The following PAK5 variants were observed in gnomAD, a reference collection of about 807,000 sequenced individuals.
PAK5 encodes the protein p21 (RAC1) activated kinase 5, also known as serine/threonine-protein kinase PAK 5.
Under a neutral mutation model 65.9 loss-of-function variants are expected in PAK5, and 16 were observed. That is an observed-to-expected ratio of 0.24 (90% CI 0.16 to 0.37). The LOEUF (loss-of-function observed/expected upper bound fraction) is 0.37, where lower values mean the gene tolerates loss of function less well. PAK5 is among the 10% of genes least tolerant of loss of function. PAK5 has a pLI of 1.00. For synonymous variants in PAK5, 371 were observed against 354.9 expected (o/e 1.05, Z -0.51); for missense variants, 785 against 903.9 (o/e 0.87, Z 1.69).
intron 1 of PAK5, among the ~76,000 whole-genome samples, chr20:9,763,032 A>G (rs2048717543): frequency 6.6e-6 from 1 of 152,172 alleles, no homozygotes; most frequent in Non-Finnish European, 1.5e-5. Context: ...CAAATACTGT[A>G]TGATCTCACC....
At chr20:9,610,637 A>G (rs1235517297) in intron 3 of PAK5, among the ~76,000 whole-genome samples, 1 of 152,246 alleles carries the variant, frequency 6.6e-6, no homozygotes, top group Admixed American at 6.5e-5. Context: ...TCTTTGTAGC[A>G]GACTCTGTTG....
intron 2 of PAK5, among the ~76,000 whole-genome samples, chr20:9,684,759 G>A (rs2047695820): frequency 6.6e-6 from 1 of 152,118 alleles, no homozygotes; most frequent in Non-Finnish European, 1.5e-5. Context: ...CCTCTTAATA[G>A]CTTTTCCTCC....
chr20:9,586,577 G>T (rs1320194237), intron 3 of PAK5, among the ~76,000 whole-genome samples: 1 of 152,004 alleles, frequency 6.6e-6, no homozygotes, highest in South Asian at 2.1e-4. Context: ...CATAATGAAG[G>T]CCTATTAAAT....
chr20:9,651,618 T>C (rs551423182), intron 2 of PAK5, among the ~76,000 whole-genome samples: 40 of 152,298 alleles, frequency 2.6e-4, no homozygotes, highest in African/African-American at 9.6e-4. Flanking sequence ...TTGGTTAAAA[T>C]GGTAAATTTT....
intron 3 of PAK5, among the ~76,000 whole-genome samples, chr20:9,612,284 C>A (rs1055852386): frequency 6.6e-6 from 1 of 152,154 alleles, no homozygotes; most frequent in South Asian, 2.1e-4. Context: ...ATGTCGTCTC[C>A]GTCTGGAGAA....
intron 1 of PAK5, among the ~76,000 whole-genome samples, chr20:9,737,352 A>G (rs900569385): frequency 2.0e-5 from 3 of 152,200 alleles, no homozygotes; most frequent in African/African-American, 7.2e-5. Flanking sequence ...TGGAATGCTT[A>G]TTAATATCAT....
intron 1 of PAK5, among the ~76,000 whole-genome samples, chr20:9,793,844 T>C (rs2049076256): frequency 6.6e-6 from 1 of 152,172 alleles, no homozygotes; most frequent in Non-Finnish European, 1.5e-5. Context: ...CCCAAAGGAT[T>C]ATAAATCATT....
intron 9 of PAK5, among the ~76,000 whole-genome samples, chr20:9,540,737 CTTTTT>C (rs1168963029): frequency 7.2e-6 from 1 of 138,254 alleles, no homozygotes. Context: ...TTTTTAGTCA[CTTTTT>C]TTTTTTTTTT....
At chr20:9,629,588 C>T (rs1489253158) in intron 3 of PAK5, among the ~76,000 whole-genome samples, 5 of 152,206 alleles carry the variant, frequency 3.3e-5, no homozygotes, top group African/African-American at 1.2e-4. Flanking sequence ...CCTCTCAAAG[C>T]GCTGGGATTA....
At chr20:9,835,150 A>T (rs1304994277) in intron 1 of PAK5, among the ~76,000 whole-genome samples, 2 of 152,248 alleles carry the variant, frequency 1.3e-5, no homozygotes, top group Non-Finnish European at 2.9e-5. Flanking sequence ...AAATGCTATG[A>T]GGCAGAGTAT....
chr20:9,692,636 A>G (rs756717712), intron 2 of PAK5, among the ~76,000 whole-genome samples: 3 of 152,216 alleles, frequency 2.0e-5, no homozygotes, highest in Non-Finnish European at 2.9e-5. Context: ...TCATCACCCT[A>G]GTTCTTAAGT....
At chr20:9,551,931 T>A (rs6140961) in intron 7 of PAK5, among the ~76,000 whole-genome samples, 23,916 of 152,090 alleles carry the variant, frequency 0.16, 2,835 homozygotes, top group African/African-American at 0.33. Context: ...TCTTCAGGCA[T>A]AAAGATGCAG....
chr20:9,729,621 T>A (rs552128625), intron 1 of PAK5, among the ~76,000 whole-genome samples: 13 of 152,260 alleles, frequency 8.5e-5, no homozygotes, highest in Non-Finnish European at 1.8e-4. Flanking sequence ...CCCTATTTGA[T>A]CTTCCCTGCT....
intron 1 of PAK5, among the ~76,000 whole-genome samples, chr20:9,739,165 C>T (rs558430580): frequency 6.6e-6 from 1 of 151,982 alleles, no homozygotes; most frequent in African/African-American, 2.4e-5. Context: ...TATCATGATG[C>T]CACACCACAG....
chr20:9,773,733 G>A (rs2048858422), intron 1 of PAK5, among the ~76,000 whole-genome samples: 2 of 152,172 alleles, frequency 1.3e-5, no homozygotes, highest in African/African-American at 4.8e-5. Context: ...GCATAACTAT[G>A]GCTAAGTGCC....
intron 1 of PAK5, among the ~76,000 whole-genome samples, chr20:9,778,438 G>T (rs1462096404): frequency 2.7e-5 from 4 of 149,334 alleles, no homozygotes; most frequent in South Asian, 4.2e-4. Flanking sequence ...GGGTCTCATC[G>T]TATTACCCAC....
In PAK5 at chr20:9,742,656, C is replaced by T. The variant is rs147726709; in HGVS notation, c.-161-31221G>A. 4.6e-5 allele frequency among the ~76,000 whole-genome samples: 7 copies of T among 152,282 alleles called. No homozygotes were observed. In the East Asian group the frequency reaches 1.4e-3, roughly 29 times the overall value. On this transcript the variant is annotated intron_variant, in intron 1 of 9. Coordinates refer to ENST00000353224, the MANE Select transcript of PAK5 (RefSeq NM_177990.4). ...CTGTTGCAGAAAACTCTCTCTCTAT[C>T]ATTTCAGGATGGACCTAAAAAAAAT...
intron 1 of PAK5, among the ~76,000 whole-genome samples, chr20:9,837,570 T>C (rs372926861): frequency 7.9e-5 from 12 of 152,352 alleles, no homozygotes; most frequent in East Asian, 1.9e-4. Flanking sequence ...CAGCTGTTAT[T>C]ATAAGGTGTC....
At chr20:9,710,856 C>T (rs1430042391) in intron 2 of PAK5, among the ~76,000 whole-genome samples, 1 of 152,156 alleles carries the variant, frequency 6.6e-6, no homozygotes, top group African/African-American at 2.4e-5. Flanking sequence ...GGTTTCCAAA[C>T]CTTGAATATA....
Sources: allele counts gnomAD v4.1 joint callset (sites outside exome capture counted in the v4.1 genomes callset), GRCh38; gene constraint gnomAD v4.1.1; transcripts MANE v1.5; gene names NCBI Gene and HGNC (gene_info 2026-07-23, HGNC 2026-07-21).